The following B3GALT1 variants were observed in gnomAD, a reference collection of about 807,000 sequenced individuals.
B3GALT1 encodes the protein UDP-Gal:betaGlcNAc beta 1,3-galactosyltransferase, polypeptide 1.
A neutral mutation model predicts 23.2 loss-of-function variants in B3GALT1; 10 were observed. The observed-to-expected ratio is 0.43, with a 90% CI of 0.27 to 0.73. The LOEUF is 0.73. B3GALT1 is among the 30% of genes least tolerant of loss of function. The pLI is 0.21. For synonymous variants in B3GALT1, 156 were observed against 141.5 expected (o/e 1.10, Z -0.73); for missense variants, 299 against 405.4 (o/e 0.74, Z 2.25).
chr2:167,522,703 C>A (rs951089113), intron 2 of B3GALT1, among the ~76,000 whole-genome samples: 2 of 152,142 alleles, frequency 1.3e-5, no homozygotes, highest in Non-Finnish European at 2.9e-5. Flanking sequence ...ACCAAAAAAT[C>A]TGTACACATT....
intron 2 of B3GALT1, among the ~76,000 whole-genome samples, chr2:167,618,261 C>T (rs1685194628): frequency 6.6e-6 from 1 of 151,904 alleles, no homozygotes. Flanking sequence ...ACATATTGGA[C>T]CAGAGAATAT....
At chr2:167,349,871 A>G (rs535737494) in intron 1 of B3GALT1, among the ~76,000 whole-genome samples, 27 of 152,296 alleles carry the variant, frequency 1.8e-4, no homozygotes, top group African/African-American at 6.3e-4. Context: ...TTAATGGCGC[A>G]TACTTACATC....
At chr2:167,627,458 G>A (rs1217025083) in intron 2 of B3GALT1, among the ~76,000 whole-genome samples, 1 of 151,568 alleles carries the variant, frequency 6.6e-6, no homozygotes, top group African/African-American at 2.4e-5. Context: ...ATTTCTTCTA[G>A]CATTATGCAT....
Position 167,593,218 on chromosome 2 carries a change from ATAAG to A in B3GALT1, c.-409-53690_-409-53687del, listed in dbSNP as rs1684715074. Among the ~76,000 whole-genome samples the A allele has an allele frequency of 2.6e-5, 4 of 152,320 alleles. No homozygotes were observed. In the South Asian group the frequency reaches 6.2e-4, roughly 24 times the overall value. On this transcript the variant is annotated intron_variant, in intron 2 of 4. Coordinates refer to ENST00000392690, the MANE Select transcript of B3GALT1 (RefSeq NM_020981.4). ...TAGCAAACAACTGAAATACATATAA[ATAAG>A]GAAAGGCTAGGTAAAATATACTGTA...
At chr2:167,611,998 T>G (rs1358605905) in intron 2 of B3GALT1, among the ~76,000 whole-genome samples, 1 of 152,066 alleles carries the variant, frequency 6.6e-6, no homozygotes, top group Non-Finnish European at 1.5e-5. Context: ...TGTTGATGAA[T>G]TGCTTTAGTT....
intron 2 of B3GALT1, among the ~76,000 whole-genome samples, chr2:167,597,271 A>T (rs1302292096): frequency 6.6e-6 from 1 of 151,926 alleles, no homozygotes; most frequent in Admixed American, 6.6e-5. Context: ...GCCAGCCACC[A>T]TGCCCGGCTA....
chr2:167,563,431 C>G (rs1472829196), intron 2 of B3GALT1, among the ~76,000 whole-genome samples: 1 of 130,680 alleles, frequency 7.7e-6, no homozygotes, highest in Non-Finnish European at 1.6e-5. Context: ...ACCTCCCTCC[C>G]GGACAGGGGC....
rs554829628 is a variant in B3GALT1 at position 167,638,139 on chromosome 2, G to C, written c.-409-8770G>C. ...CCCTGTAGATCTGCTATTGAAGTGA[G>C]CTCATGAATAGAGCAACCCAATGAA... On this transcript the variant is annotated intron_variant, in intron 2 of 4. Transcript: ENST00000392690. 3.3e-5 allele frequency among the ~76,000 whole-genome samples: 5 copies of C among 152,052 alleles called. No homozygotes were observed. In the South Asian group the frequency reaches 1.0e-3, roughly 32 times the overall value.
rs544640080 is a variant in B3GALT1, at chr2:167,628,613, TC to T, written c.-409-18295del. 5.1e-3 allele frequency among the ~76,000 whole-genome samples: 776 copies of T among 151,904 alleles called. 5 individuals carry two copies. The highest frequency in any genetic ancestry group is 7.6e-3 in the Non-Finnish European group (517 of 67,780). On this transcript the variant is annotated intron_variant, in intron 2 of 4. Coordinates refer to ENST00000392690, the MANE Select transcript of B3GALT1 (RefSeq NM_020981.4). ...GGATTTAATAATTCTCATTTTTAAATCAGTGGTCTGAGTATAAATCATTGTG... is the reference window on the plus strand; with the variant it reads ...GGATTTAATAATTCTCATTTTTAAATAGTGGTCTGAGTATAAATCATTGTG...
intron 1 of B3GALT1, among the ~76,000 whole-genome samples, chr2:167,315,012 A>G (rs751597156): frequency 4.6e-5 from 7 of 152,190 alleles, no homozygotes; most frequent in Admixed American, 3.3e-4. Flanking sequence ...TTAATAAATT[A>G]TCTCTTAAGC....
intron 3 of B3GALT1, among the ~76,000 whole-genome samples, chr2:167,813,169 A>G (rs1048854197): frequency 9.9e-5 from 15 of 152,240 alleles, no homozygotes; most frequent in African/African-American, 3.4e-4. Context: ...AGCAATGAAT[A>G]TAACAGGAGA....
At chr2:167,709,523 T>G (rs1687018170) in intron 3 of B3GALT1, among the ~76,000 whole-genome samples, 1 of 152,200 alleles carries the variant, frequency 6.6e-6, no homozygotes, top group Admixed American at 6.5e-5. Context: ...AATATTTGTT[T>G]GGGAAGATGT....
At chr2:167,459,951 T>C (rs532528672) in intron 1 of B3GALT1, among the ~76,000 whole-genome samples, 1 of 152,332 alleles carries the variant, frequency 6.6e-6, no homozygotes, top group Admixed American at 6.5e-5. Flanking sequence ...CCTTCTGGCC[T>C]CTAAAATTCT....
intron 2 of B3GALT1, among the ~76,000 whole-genome samples, chr2:167,627,034 G>T (rs542139978): frequency 4.5e-4 from 69 of 151,764 alleles, no homozygotes; most frequent in South Asian, 2.5e-3. Flanking sequence ...GAAGGCAAGG[G>T]CTAAGTGTAT....
intron 1 of B3GALT1, among the ~76,000 whole-genome samples, chr2:167,311,845 G>T (rs1448429329): frequency 6.6e-6 from 1 of 151,916 alleles, no homozygotes; most frequent in African/African-American, 2.4e-5. Flanking sequence ...TGTAAGAGAA[G>T]AAATAGTGGG....
intron 1 of B3GALT1, among the ~76,000 whole-genome samples, chr2:167,389,819 G>A (rs529092682): frequency 5.9e-5 from 9 of 151,386 alleles, no homozygotes; most frequent in Admixed American, 4.6e-4. Flanking sequence ...GGCCAAGGCT[G>A]GGGGATTGCT....
intron 1 of B3GALT1, among the ~76,000 whole-genome samples, chr2:167,445,513 G>T (rs1335607060): frequency 2.6e-5 from 4 of 152,110 alleles, no homozygotes. Context: ...TCTCTTTGTA[G>T]GTCTCTAAAG....
intron 3 of B3GALT1, among the ~76,000 whole-genome samples, chr2:167,686,852 C>T (rs937597375): frequency 2.2e-4 from 34 of 152,090 alleles, no homozygotes; most frequent in African/African-American, 7.5e-4. Context: ...CTCTCTCTGC[C>T]GTGCTCATTC....
intron 3 of B3GALT1, among the ~76,000 whole-genome samples, chr2:167,762,865 T>A (rs1032590514): frequency 6.6e-6 from 1 of 152,216 alleles, no homozygotes; most frequent in African/African-American, 2.4e-5. Context: ...AAAGGCAACA[T>A]TCTTTCTTCT....
Sources: gnomAD v4.1 joint callset for allele counts (sites outside exome capture counted in the v4.1 genomes callset) on GRCh38, gnomAD v4.1.1 for gene constraint, MANE v1.5 for transcripts, NCBI Gene and HGNC (gene_info 2026-07-23, HGNC 2026-07-21) for gene names.